Variants in SCAPER observed in about 807,000 individuals in gnomAD.
SCAPER encodes S-phase cyclin A associated protein in the ER.
A neutral mutation model predicts 182.2 loss-of-function variants in SCAPER; 98 were observed. The ratio of observed to expected loss-of-function variants is 0.54; its 90% CI spans 0.46 to 0.64. SCAPER has a LOEUF of 0.64. Ranked by LOEUF, SCAPER falls within the 30% of genes least tolerant of loss-of-function variation. The pLI is 0.00. For missense variants in SCAPER, 1,432 were observed against 1,690.0 expected, an observed-to-expected ratio of 0.85 and a Z score of 2.68; for synonymous variants, 605 against 564.6, an observed-to-expected ratio of 1.07 and a Z score of -1.01.
intron 15 of SCAPER, among the ~76,000 whole-genome samples, chr15:76,737,643 T>A (rs139525267): frequency 6.6e-6 from 1 of 152,236 alleles, no homozygotes; most frequent in African/African-American, 2.4e-5. Flanking sequence ...GAATTCTCTA[T>A]AGCTATGAAA....
intron 20 of SCAPER, among the ~76,000 whole-genome samples, chr15:76,687,033 A>G (rs1371805998): frequency 1.3e-5 from 2 of 152,180 alleles, no homozygotes; most frequent in Admixed American, 6.5e-5. Context: ...ATATTCTTAA[A>G]AGGTAAACTT....
In SCAPER at chr15:76,713,746, T is replaced by A. The variant is rs539660358; in HGVS notation, c.2166-7762A>T. Among the ~76,000 whole-genome samples, 11 of 152,068 alleles carry A rather than the reference T, an allele frequency of 7.2e-5. No individual in the cohort carries two copies. The South Asian group carries it at 1.9e-3, about 26-fold the overall frequency. On this transcript the variant is annotated intron_variant, in intron 17 of 31. Transcript: ENST00000563290. ...TATACATATGTAACTAACCTGCACA[T>A]TGTGCACATGTACCCTAAAACTTAA...
At chr15:76,642,449 A>G (rs1374926973) in intron 21 of SCAPER, among the ~76,000 whole-genome samples, 1 of 152,188 alleles carries the variant, frequency 6.6e-6, no homozygotes, top group African/African-American at 2.4e-5. Flanking sequence ...TTAATTTTTG[A>G]ATAATCAATA....
chr15:76,516,496 G>A (rs1173465365), intron 23 of SCAPER, among the ~76,000 whole-genome samples: 1 of 151,942 alleles, frequency 6.6e-6, no homozygotes, highest in Non-Finnish European at 1.5e-5. Flanking sequence ...ACTTTGCTGA[G>A]AATGATGGTT....
In SCAPER at chr15:76,483,168, G is replaced by A. The variant is rs187497307; in HGVS notation, c.2955-11833C>T. Among the ~76,000 whole-genome samples, 278 of 151,918 alleles carry A rather than the reference G, an allele frequency of 1.8e-3. 1 individual carries two copies. Among genetic ancestry groups the A allele is most frequent in the Non-Finnish European group, 2.5e-3 (172 of 67,896 alleles). ...AATAGACACATAGATCAATGGAACA[G>A]AATAAGGGAGACCAGAATTAGAAGC... is the stretch of plus-strand genomic sequence containing the variant. On this transcript the variant is annotated intron_variant, in intron 24 of 31. Coordinates refer to ENST00000563290, the MANE Select transcript of SCAPER (RefSeq NM_020843.4).
At chr15:76,740,797 G>C in intron 15 of SCAPER, among the ~76,000 whole-genome samples, 1 of 151,874 alleles carries the variant, frequency 6.6e-6, no homozygotes, top group Non-Finnish European at 1.5e-5. Context: ...CATATATAAG[G>C]AAAACTAAAC....
chr15:76,677,278 A>G (rs1421112834), intron 20 of SCAPER, among the ~76,000 whole-genome samples: 1 of 152,106 alleles, frequency 6.6e-6, no homozygotes, highest in Non-Finnish European at 1.5e-5. Flanking sequence ...GTCTTAGTTG[A>G]CCATATTTCA....
chr15:76,392,612 G>A (rs951489101), intron 27 of SCAPER, among the ~76,000 whole-genome samples: 1 of 152,000 alleles, frequency 6.6e-6, no homozygotes, highest in Non-Finnish European at 1.5e-5. Flanking sequence ...TTAGTGGAAC[G>A]CAGCAGTGCA....
intron 15 of SCAPER, among the ~76,000 whole-genome samples, chr15:76,734,969 G>A (rs2072442924): frequency 6.6e-6 from 1 of 151,972 alleles, no homozygotes; most frequent in Non-Finnish European, 1.5e-5. Context: ...GAAAGAAAAA[G>A]TAATGGGACC....
At chr15:76,767,494 AC>A (rs1262934988) in intron 10 of SCAPER, among the ~76,000 whole-genome samples, 1 of 152,204 alleles carries the variant, frequency 6.6e-6, no homozygotes, top group African/African-American at 2.4e-5. Context: ...TATATGCTGT[AC>A]TGGTGATGAT....
chr15:76,480,202 A>G (rs1326381779), intron 24 of SCAPER, among the ~76,000 whole-genome samples: 1 of 152,252 alleles, frequency 6.6e-6, no homozygotes, highest in African/African-American at 2.4e-5. Context: ...GCCCCAATGC[A>G]TATGTAATTT....
chr15:76,417,171 C>T (rs916632937), intron 26 of SCAPER, among the ~76,000 whole-genome samples: 1 of 151,598 alleles, frequency 6.6e-6, no homozygotes, highest in South Asian at 2.1e-4. Flanking sequence ...AAAACACAAA[C>T]CCGGTAATTA....
chr15:76,818,665 G>A lies in SCAPER; in HGVS notation c.394-14032C>T, dbSNP rs867942975. Among the ~76,000 whole-genome samples the A allele has an allele frequency of 9.8e-5, 15 of 152,358 alleles. No homozygotes were observed. The Middle Eastern group carries it at 0.01, about 104-fold the overall frequency. ...GTCTACAGCTCCCAGCGTGAGCGAC[G>A]CAGAAGATGGGTGATTTCTGCATTT... On this transcript the variant is annotated intron_variant, in intron 5 of 31. Transcript: ENST00000563290.
intron 25 of SCAPER, 129 bp downstream of exon 25, chr15:76,471,080 TTTC>T (rs900611944): frequency 1.0e-4 from 64 of 628,628 alleles, no homozygotes; most frequent in Middle Eastern, 5.2e-4. Context: ...TCATCTTCAC[TTTC>T]TTCTTCTTCT....
chr15:76,579,222 TGC>T (rs1401119176), intron 22 of SCAPER, among the ~76,000 whole-genome samples: 2 of 115,912 alleles, frequency 1.7e-5, no homozygotes, highest in Non-Finnish European at 3.2e-5. Flanking sequence ...GCTGAGATGG[TGC>T]CACTGCACTC....
At chr15:76,548,273 A>C (rs1025508188) in intron 23 of SCAPER, among the ~76,000 whole-genome samples, 10 of 152,324 alleles carry the variant, frequency 6.6e-5, no homozygotes, top group African/African-American at 2.4e-4. Flanking sequence ...AGAATTGAAT[A>C]ATCAGAATTG....
intron 25 of SCAPER, among the ~76,000 whole-genome samples, chr15:76,449,486 C>G (rs559461958): frequency 6.6e-6 from 1 of 152,336 alleles, no homozygotes; most frequent in South Asian, 2.1e-4. Context: ...GGCTTCCCCA[C>G]TAACTTTGTA....
At chr15:76,901,478 C>A (rs1411660160) in intron 1 of SCAPER, among the ~76,000 whole-genome samples, 2 of 152,088 alleles carry the variant, frequency 1.3e-5, no homozygotes, top group African/African-American at 4.8e-5. Context: ...ATGTCTGAAA[C>A]CTGCTTCAAA....
intron 23 of SCAPER, among the ~76,000 whole-genome samples, chr15:76,545,068 A>G (rs573080028): frequency 1.3e-5 from 2 of 152,292 alleles, no homozygotes; most frequent in African/African-American, 4.8e-5. Flanking sequence ...AATTTTTAGA[A>G]TAACAACTTA....
Sources: gnomAD v4.1 joint callset for allele counts (sites outside exome capture counted in the v4.1 genomes callset) on GRCh38, gnomAD v4.1.1 for gene constraint, MANE v1.5 for transcripts, NCBI Gene and HGNC (gene_info 2026-07-23, HGNC 2026-07-21) for gene names.